The following ZNF367 variants were observed in gnomAD, a reference collection of about 807,000 sequenced individuals.
ZNF367 encodes zinc finger protein 367, also known as C2H2 zinc finger protein ZFF29.
A neutral mutation model predicts 31.8 loss-of-function variants in ZNF367; 11 were observed. The ratio of observed to expected loss-of-function variants is 0.35; its 90% CI spans 0.22 to 0.57. The LOEUF (loss-of-function observed/expected upper bound fraction) is 0.57. Ranked by LOEUF, ZNF367 falls within the 20% of genes least tolerant of loss-of-function variation. The pLI is 0.85. For missense variants in ZNF367, 353 were observed against 484.1 expected (o/e 0.73, Z 2.54); for synonymous variants, 199 against 202.4 (o/e 0.98, Z 0.14).
At chr9:96,415,479 ATTTTTTTTTTTTTTTTTTTT>A (rs56349404) in intron 1 of ZNF367, among the ~76,000 whole-genome samples, 6 of 37,756 alleles carry the variant, frequency 1.6e-4, no homozygotes, top group Admixed American at 4.2e-4. Context: ...TAGTTTCTTC[ATTTTTTTTTTTTTTTTTTTT>A]TTTTTTTTTT....
chr9:96,402,440 C>CTTTCTTT (rs1564142339), intron 1 of ZNF367, among the ~76,000 whole-genome samples: 2 of 130,788 alleles, frequency 1.5e-5, no homozygotes, highest in African/African-American at 5.8e-5. Flanking sequence ...TTACTTCTTT[C>CTTTCTTT]TTTCTTTTTT....
intron 2 of ZNF367, among the ~76,000 whole-genome samples, chr9:96,396,710 C>T (rs1831535381): frequency 1.3e-5 from 2 of 151,576 alleles, no homozygotes; most frequent in South Asian, 2.1e-4. Context: ...TTCTTGTTGC[C>T]CAGGCTGGAG....
chr9:96,411,326 T>C (rs1831746437), intron 1 of ZNF367, among the ~76,000 whole-genome samples: 1 of 151,954 alleles, frequency 6.6e-6, no homozygotes, highest in African/African-American at 2.4e-5. Context: ...GCAGGAGAAT[T>C]GCTTGAGTCC....
rs979946399 is a variant in ZNF367, at chr9:96,388,081, C to G, written c.*156G>C. On this transcript the variant is annotated 3_prime_UTR_variant, in exon 5 of 5. Coordinates refer to ENST00000375256, the MANE Select transcript of ZNF367 (RefSeq NM_153695.4). The stretch of plus-strand genomic sequence containing the variant: ...TTCCATATTAAAAAAGTGCAGTTCT[C>G]TCTCACCCCATATTCTGGGGCAATA... 1.4e-6 allele frequency: 1 copy of G among 693,904 alleles called. No homozygotes were observed. The highest frequency in any genetic ancestry group is 1.8e-5 in the African/African-American group (1 of 55,760). The allele number at this position is 693,904 out of a possible 1,614,324, so 43.0% of individuals were successfully genotyped here.
intron 4 of ZNF367, among the ~76,000 whole-genome samples, chr9:96,390,686 C>T (rs1409927756): frequency 6.6e-6 from 1 of 151,852 alleles, no homozygotes; most frequent in Non-Finnish European, 1.5e-5. Flanking sequence ...GAGTTTGAGA[C>T]CAGCGTGGGC....
At chr9:96,390,150 C>G (rs1343935984) in intron 4 of ZNF367, among the ~76,000 whole-genome samples, 1 of 151,844 alleles carries the variant, frequency 6.6e-6, no homozygotes, top group African/African-American at 2.4e-5. Flanking sequence ...AGGTGATCCA[C>G]CCACCTCAGC....
rs1266937585 is a variant in ZNF367, at chr9:96,387,569, A to G, written c.*668T>C. On this transcript the variant is annotated 3_prime_UTR_variant, in exon 5 of 5. Coordinates refer to ENST00000375256, the MANE Select transcript of ZNF367 (RefSeq NM_153695.4). ...TGACAAGTGCTTTTCAAACTTAAAC[A>G]TTATACTGAGTTGTAAAGCCCCAGA... 5 of 152,212 alleles carry G rather than the reference A, an allele frequency of 3.3e-5. No homozygotes were observed. Among genetic ancestry groups the G allele is most frequent in the Admixed American group, 3.3e-4 (5 of 15,280 alleles). 9.4% of individuals were successfully genotyped at this position (152,212 alleles called of 1,614,324 possible). A position where few individuals can be genotyped will look rare whatever the true frequency, so the allele number is the denominator to read the frequency against.
intron 2 of ZNF367, 84 bp downstream of exon 2, chr9:96,398,080 A>C: frequency 7.8e-7 from 1 of 1,279,798 alleles, no homozygotes; most frequent in Non-Finnish European, 1.0e-6. Flanking sequence ...ACAGAGCGAG[A>C]CTATCTCAAA....
At chr9:96,392,274 C>A in intron 4 of ZNF367, 124 bp downstream of exon 4, 2 of 1,438,030 alleles carry the variant, frequency 1.4e-6, no homozygotes, top group Middle Eastern at 1.8e-4. Context: ...GGGGTCATTT[C>A]TAATTATGTT....
chr9:96,410,716 A>C (rs575786506), intron 1 of ZNF367, among the ~76,000 whole-genome samples: 1 of 151,324 alleles, frequency 6.6e-6, no homozygotes, highest in East Asian at 1.9e-4. Flanking sequence ...TCTACTAAAA[A>C]TACAAAAAAA....
chr9:96,411,820 G>GT (rs1025645270), intron 1 of ZNF367, among the ~76,000 whole-genome samples: 1 of 151,934 alleles, frequency 6.6e-6, no homozygotes, highest in Non-Finnish European at 1.5e-5. Context: ...ATTCTTTTGG[G>GT]TTTTTTTGTT....
rs920065793 is a variant in ZNF367, at chr9:96,414,625, G to A, written c.420+2988C>T. On this transcript the variant is annotated intron_variant, in intron 1 of 4. Coordinates refer to ENST00000375256, the MANE Select transcript of ZNF367 (RefSeq NM_153695.4). ...CCCAAGTAGCTGGGACTACAGGGGT[G>A]TGCCACCACACCCAGGTAATTTTTG... is the stretch of plus-strand genomic sequence containing the variant. Among the ~76,000 whole-genome samples, 7 of 152,144 alleles carry A rather than the reference G, an allele frequency of 4.6e-5. No homozygotes were observed. In the South Asian group the frequency reaches 1.5e-3, roughly 32 times the overall value.
intron 4 of ZNF367, among the ~76,000 whole-genome samples, chr9:96,391,815 G>A (rs948206229): frequency 6.6e-6 from 1 of 152,106 alleles, no homozygotes; most frequent in South Asian, 2.1e-4. Context: ...CTGTCACCCA[G>A]GCTGGAGTAC....
chr9:96,418,259 C>G lies in ZNF367; in HGVS notation c.-227G>C. ...AAGCGCGCCCTCCGCTCTTTGTACT[C>G]CGCAGCGCAGGCTGCAGGGGTGGGA... On this transcript the variant is annotated 5_prime_UTR_variant, in exon 1 of 5. Coordinates refer to ENST00000375256, the MANE Select transcript of ZNF367 (RefSeq NM_153695.4). 1 of 546,396 alleles carries G rather than the reference C, an allele frequency of 1.8e-6. No individual in the cohort carries two copies. The highest frequency in any genetic ancestry group is 2.8e-6 in the Non-Finnish European group (1 of 361,918). The allele number at this position is 546,396 out of a possible 1,614,324, so 33.8% of individuals were successfully genotyped here.
At chr9:96,396,166 G>A (rs763472866) in intron 2 of ZNF367, among the ~76,000 whole-genome samples, 1 of 152,122 alleles carries the variant, frequency 6.6e-6, no homozygotes, top group Non-Finnish European at 1.5e-5. Flanking sequence ...GGGGTATCAG[G>A]TGACACAGTG....
intron 4 of ZNF367, 118 bp downstream of exon 4, chr9:96,392,278 TTA>T (rs760859014): frequency 2.1e-6 from 3 of 1,452,012 alleles, no homozygotes; most frequent in Admixed American, 1.7e-5. Context: ...TCATTTCTAA[TTA>T]TGTTATAAAA....
Position 96,418,133 on chromosome 9 carries a change from G to A in ZNF367, c.-101C>T, listed in dbSNP as rs2131086738. 6 of 1,265,766 alleles carry A rather than the reference G, an allele frequency of 4.7e-6. No individual in the cohort carries two copies. The South Asian group carries it at 8.0e-5, about 17-fold the overall frequency. The allele number at this position is 1,265,766 out of a possible 1,614,324, so 78.4% of individuals were successfully genotyped here. ...TCCGAGTCGCAGGCTCAGTCCTGCC[G>A]GCTCATGGCAGACTGACGTTTCCCG... is the stretch of plus-strand genomic sequence containing the variant. On this transcript the variant is annotated 5_prime_UTR_variant, in exon 1 of 5. Coordinates refer to ENST00000375256, the MANE Select transcript of ZNF367 (RefSeq NM_153695.4).
chr9:96,403,269 A>C (rs1374165353), intron 1 of ZNF367, among the ~76,000 whole-genome samples: 1 of 152,204 alleles, frequency 6.6e-6, no homozygotes, highest in Admixed American at 6.5e-5. Flanking sequence ...TGCCCAGCCC[A>C]ACACACTCTT....
At chr9:96,415,642 C>T (rs1175481111) in intron 1 of ZNF367, among the ~76,000 whole-genome samples, 1 of 151,128 alleles carries the variant, frequency 6.6e-6, no homozygotes, top group African/African-American at 2.4e-5. Flanking sequence ...GGATTACGGG[C>T]GCCCGCCACC....
Sources: gnomAD v4.1 joint callset for allele counts (sites outside exome capture counted in the v4.1 genomes callset) on GRCh38, gnomAD v4.1.1 for gene constraint, MANE v1.5 for transcripts, NCBI Gene and HGNC (gene_info 2026-07-23, HGNC 2026-07-21) for gene names.